Variants in PPFIA2 observed in about 807,000 individuals in gnomAD.
PPFIA2 encodes PPFI scaffold protein A2.
Under a neutral mutation model 175.5 loss-of-function variants are expected in PPFIA2, and 46 were observed. That is an observed-to-expected ratio of 0.26 (90% confidence interval 0.21 to 0.34). The LOEUF is 0.34. PPFIA2 is among the 10% of genes least tolerant of loss of function. PPFIA2 has a pLI of 1.00. For synonymous variants in PPFIA2, 568 were observed against 511.4 expected, an observed-to-expected ratio of 1.11 and a Z score of -1.49; for missense variants, 1,179 against 1,506.1, an observed-to-expected ratio of 0.78 and a Z score of 3.60.
intron 16 of PPFIA2, among the ~76,000 whole-genome samples, chr12:81,355,999 T>C (rs2060801459): frequency 6.6e-6 from 1 of 152,250 alleles, no homozygotes; most frequent in South Asian, 2.1e-4. Context: ...GGCTGTTTGA[T>C]GCCAGAGGCC....
intron 4 of PPFIA2, among the ~76,000 whole-genome samples, chr12:81,542,724 T>C (rs147502893): frequency 5.9e-5 from 9 of 152,264 alleles, no homozygotes; most frequent in African/African-American, 1.7e-4. Flanking sequence ...CTTTGAGATA[T>C]AAATCTTTTA....
At chr12:81,424,844 C>T (rs979158815) in intron 7 of PPFIA2, 3 of 152,144 alleles carry the variant, frequency 2.0e-5, no homozygotes, top group African/African-American at 7.2e-5. Flanking sequence ...TTTTATGTCC[C>T]TCAGCCCACT....
In PPFIA2 at chr12:81,295,030, C is replaced by A; in HGVS notation, c.2730G>T (p.Trp910Cys). Residue 910 changes from tryptophan to cysteine, a missense_variant, in exon 24 of 33, where the codon TGG (tryptophan) becomes TGT (cysteine). Physicochemically the swap from Trp to Cys is radical, Grantham distance 215. Around this residue, in one of 10 missense-constraint regions of PPFIA2, gnomAD observed 44 missense variants for 81.3 expected, o/e 0.54. Coordinates refer to ENST00000549396, the MANE Select transcript of PPFIA2 (RefSeq NM_003625.5). ...CCACGTACCACGCAGGCATTCCCAA[C>A]CAAAGCTGTTAGATAGGAAAAAATA... ...GPTVVAWLEL[W>C]LGMPAWYVAA... The A allele has an allele frequency of 1.2e-6, 2 of 1,613,106 alleles. No homozygotes were observed. Among genetic ancestry groups the A allele is most frequent in the Non-Finnish European group, 1.7e-6 (2 of 1,179,534 alleles).
intron 31 of PPFIA2, 59 bp downstream of exon 31, chr12:81,263,172 T>C (rs1483914004): frequency 6.9e-7 from 1 of 1,450,352 alleles, no homozygotes; most frequent in African/African-American, 1.4e-5. Flanking sequence ...CAGAGAATTA[T>C]ACTAGCTTTG....
chr12:81,708,229 A>G (rs1217819384), intron 3 of PPFIA2, among the ~76,000 whole-genome samples: 1 of 152,140 alleles, frequency 6.6e-6, no homozygotes, highest in Non-Finnish European at 1.5e-5. Context: ...AGAAATGTAT[A>G]GTAATAATAT....
At chr12:81,372,513 GAA>G (rs3075257) in intron 11 of PPFIA2, among the ~76,000 whole-genome samples, 8,948 of 93,638 alleles carry the variant, frequency 0.096, 419 homozygotes, top group African/African-American at 0.16. Flanking sequence ...AATTGAAACA[GAA>G]AAAAAAAAAA....
chr12:81,481,656 C>T (rs1188988566), intron 4 of PPFIA2, among the ~76,000 whole-genome samples: 1 of 152,050 alleles, frequency 6.6e-6, no homozygotes, highest in Non-Finnish European at 1.5e-5. Context: ...ATCCATACTT[C>T]ATCAATGGTG....
intron 30 of PPFIA2, among the ~76,000 whole-genome samples, chr12:81,265,698 G>A (rs189197803): frequency 2.4e-4 from 37 of 152,266 alleles, no homozygotes; most frequent in Admixed American, 4.6e-4. Context: ...TAAAGACAAC[G>A]AGTCGCATCT....
At chr12:81,281,171 AC>A in intron 27 of PPFIA2, 85 bp downstream of exon 27, 1 of 1,002,218 alleles carries the variant, frequency 1.0e-6, no homozygotes, top group East Asian at 2.7e-5. Flanking sequence ...TGTCTTCTAG[AC>A]GTCCATTTTT....
chr12:81,405,825 G>A lies in PPFIA2; in HGVS notation c.724C>T (p.Leu242Phe). ...SSEGSTESEHLEGMEPGQKVH... is the reference protein window; with the variant it reads ...SSEGSTESEHFEGMEPGQKVH... ...TTCTGTCCAGGTTCCATCCCTTCAA[G>A]ATGTTCTGACTCTGTGGATCCCTCG... Residue 242 changes from leucine to phenylalanine, a missense_variant, in exon 8 of 33, where the codon CTT (leucine) becomes TTT (phenylalanine). Physicochemically the swap from Leu to Phe is conservative, Grantham distance 22 (BLOSUM62 0). This residue lies in a region of PPFIA2 where 226 missense variants were observed against 216.6 expected (regional missense o/e 1.04). Transcript: ENST00000549396. 2 of 1,581,162 alleles carry A rather than the reference G, an allele frequency of 1.3e-6. No homozygotes were observed. The highest frequency in any genetic ancestry group is 2.3e-5 in the South Asian group (2 of 86,322).
At chr12:81,479,358 G>T (rs759867825) in intron 4 of PPFIA2, among the ~76,000 whole-genome samples, 6 of 152,132 alleles carry the variant, frequency 3.9e-5, no homozygotes, top group Admixed American at 1.3e-4. Context: ...ACAGCACACC[G>T]ATAGGTCTTG....
chr12:81,535,949 T>G (rs2065307227), intron 4 of PPFIA2, among the ~76,000 whole-genome samples: 1 of 151,758 alleles, frequency 6.6e-6, no homozygotes, highest in African/African-American at 2.4e-5. Flanking sequence ...GAAGAAAGCA[T>G]TAGCAAACCG....
chr12:81,496,640 T>C (rs752204823), intron 4 of PPFIA2, among the ~76,000 whole-genome samples: 18 of 152,322 alleles, frequency 1.2e-4, no homozygotes, highest in Non-Finnish European at 2.4e-4. Context: ...CAATACTTTC[T>C]GCATACTCTG....
intron 3 of PPFIA2, among the ~76,000 whole-genome samples, chr12:81,689,622 TACAG>T (rs1241111396): frequency 1.3e-5 from 2 of 152,198 alleles, no homozygotes; most frequent in Admixed American, 6.6e-5. Flanking sequence ...TTAAATGTTC[TACAG>T]ACAGTCTTGT....
chr12:81,288,687 T>C (rs1473217816), intron 24 of PPFIA2, among the ~76,000 whole-genome samples: 2 of 151,804 alleles, frequency 1.3e-5, no homozygotes, highest in African/African-American at 4.8e-5. Flanking sequence ...AAGTGTTTTT[T>C]ACTTTGTAAT....
chr12:81,412,380 A>C (rs2044143745), intron 7 of PPFIA2, among the ~76,000 whole-genome samples: 1 of 151,366 alleles, frequency 6.6e-6, no homozygotes, highest in Non-Finnish European at 1.5e-5. Context: ...ACAATAACAA[A>C]ATAGCAATTA....
chr12:81,733,428 G>T (rs765005072), intron 3 of PPFIA2, among the ~76,000 whole-genome samples: 7 of 151,530 alleles, frequency 4.6e-5, no homozygotes, highest in Non-Finnish European at 1.0e-4. Flanking sequence ...ACTGTATTGT[G>T]CACTTAAAAT....
At chr12:81,363,284 T>A (rs1308247772) in intron 14 of PPFIA2, among the ~76,000 whole-genome samples, 4 of 151,208 alleles carry the variant, frequency 2.6e-5, no homozygotes, top group Non-Finnish European at 5.9e-5. Flanking sequence ...AAAATATTAA[T>A]TAATTAATTA....
chr12:81,586,634 A>C (rs1443215237), intron 4 of PPFIA2, among the ~76,000 whole-genome samples: 1 of 151,924 alleles, frequency 6.6e-6, no homozygotes, highest in African/African-American at 2.4e-5. Flanking sequence ...AATACACAAG[A>C]AATGCATTTA....
Sources: gnomAD v4.1 joint callset for allele counts (sites outside exome capture counted in the v4.1 genomes callset) on GRCh38, gnomAD v4.1.1 for gene constraint, gnomAD v4.1.1 regional missense constraint, MANE v1.5 for transcripts, NCBI Gene and HGNC (gene_info 2026-07-23, HGNC 2026-07-21) for gene names.